CEP128: variants seen among roughly 807,000 people sequenced by gnomAD.
The protein encoded by CEP128 is centrosomal protein 128.
In CEP128, 132 loss-of-function variants were observed where a neutral mutation model predicts 156.7. The ratio of observed to expected loss-of-function variants is 0.84; its 90% CI spans 0.73 to 0.97. CEP128 has a LOEUF of 0.97. Ranked by LOEUF, CEP128 falls within the 50% of genes least tolerant of loss-of-function variation. The pLI, the probability that CEP128 is intolerant of heterozygous loss-of-function variation, is 0.00. For synonymous variants in CEP128, 469 were observed against 448.9 expected (o/e 1.04, Z -0.57); for missense variants, 1,252 against 1,281.9 (o/e 0.98, Z 0.36).
At chr14:80,619,845 C>T (rs189287925) in intron 19 of CEP128, among the ~76,000 whole-genome samples, 16 of 152,140 alleles carry the variant, frequency 1.1e-4, no homozygotes, top group Non-Finnish European at 5.9e-5. Flanking sequence ...AATGAGTAGG[C>T]CAGGTATGGT....
chr14:80,945,356 G>T (rs1372554721), upstream of CEP128, among the ~76,000 whole-genome samples: 1 of 152,134 alleles, frequency 6.6e-6, no homozygotes, highest in Non-Finnish European at 1.5e-5. Context: ...AACATGGGGG[G>T]TTAAGATTTC....
At chr14:80,931,817 G>T (rs1464257082) in intron 2 of CEP128, among the ~76,000 whole-genome samples, 1 of 152,214 alleles carries the variant, frequency 6.6e-6, no homozygotes, top group Non-Finnish European at 1.5e-5. Flanking sequence ...AATATTAGCA[G>T]AGATTTTGAA....
intron 19 of CEP128, among the ~76,000 whole-genome samples, chr14:80,648,691 C>T (rs1051312308): frequency 1.3e-5 from 2 of 152,058 alleles, no homozygotes; most frequent in African/African-American, 4.8e-5. Context: ...TAAAAGTTCA[C>T]CTGTTTATTC....
chr14:80,696,862 A>C (rs1289461658), intron 19 of CEP128, among the ~76,000 whole-genome samples: 1 of 152,216 alleles, frequency 6.6e-6, no homozygotes, highest in Non-Finnish European at 1.5e-5. Flanking sequence ...TATAAAATTC[A>C]CAGAGCGTCG....
intron 21 of CEP128, among the ~76,000 whole-genome samples, chr14:80,537,326 T>G (rs191328021): frequency 6.6e-6 from 1 of 152,304 alleles, no homozygotes; most frequent in East Asian, 1.9e-4. Flanking sequence ...AATGAGTGAT[T>G]TGGGTTTTCT....
At chr14:80,656,291 T>TTATATATATATATATATA (rs1159139132) in intron 19 of CEP128, among the ~76,000 whole-genome samples, 2 of 25,700 alleles carry the variant, frequency 7.8e-5, no homozygotes, top group Non-Finnish European at 1.3e-4. Context: ...ATATATATAT[T>TTATATATATATATATATA]TATATATATA....
chr14:80,535,059 G>C (rs1465923540), intron 21 of CEP128, among the ~76,000 whole-genome samples: 2 of 152,072 alleles, frequency 1.3e-5, no homozygotes, highest in African/African-American at 4.8e-5. Context: ...GGACTTCCAG[G>C]GACCTAGAAG....
chr14:80,488,540 T>A (rs1326433933), downstream of CEP128, among the ~76,000 whole-genome samples: 1 of 151,798 alleles, frequency 6.6e-6, no homozygotes, highest in Non-Finnish European at 1.5e-5. Context: ...TTGGTGGGAC[T>A]GTAAACTAGT....
At chr14:80,520,406 G>A (rs184477612) in intron 23 of CEP128, among the ~76,000 whole-genome samples, 36 of 146,840 alleles carry the variant, frequency 2.5e-4, no homozygotes, top group South Asian at 8.9e-4. Flanking sequence ...GTGACAGAGC[G>A]AGATTCCATC....
upstream of CEP128, among the ~76,000 whole-genome samples, chr14:80,946,657 T>G (rs377107571): frequency 1.8e-4 from 27 of 152,168 alleles, no homozygotes; most frequent in Middle Eastern, 3.4e-3. Context: ...AATGAATAAA[T>G]GTAGAGAAGG....
intron 8 of CEP128, among the ~76,000 whole-genome samples, chr14:80,866,916 T>G (rs1887792898): frequency 6.6e-6 from 1 of 152,224 alleles, no homozygotes; most frequent in Non-Finnish European, 1.5e-5. Flanking sequence ...AGCAGATGCC[T>G]GAAACCGAGG....
At chr14:80,618,756 A>G (rs1339854744) in intron 19 of CEP128, among the ~76,000 whole-genome samples, 1 of 152,216 alleles carries the variant, frequency 6.6e-6, no homozygotes, top group African/African-American at 2.4e-5. Context: ...CTCTAAAGCT[A>G]TAGTACCCAA....
intron 20 of CEP128, among the ~76,000 whole-genome samples, chr14:80,562,691 C>T (rs1890740727): frequency 7.5e-6 from 1 of 132,984 alleles, no homozygotes; most frequent in African/African-American, 2.8e-5. Context: ...GACAGGGTCT[C>T]CCTCTATCAT....
At chr14:80,839,915 C>T (rs1219309714) in intron 10 of CEP128, among the ~76,000 whole-genome samples, 3 of 152,142 alleles carry the variant, frequency 2.0e-5, no homozygotes, top group East Asian at 1.9e-4. Context: ...CAACCAAAGC[C>T]CATATTGATC....
intron 24 of CEP128, among the ~76,000 whole-genome samples, chr14:80,499,101 T>C (rs1351136603): frequency 1.3e-5 from 2 of 152,256 alleles, no homozygotes; most frequent in East Asian, 3.8e-4. Flanking sequence ...TTTCATAGAA[T>C]TAAATCCTTT....
At position 80,836,337 on chromosome 14, in the gene CEP128, C is replaced by T. The variant is rs772978343; in HGVS notation, c.925G>A (p.Val309Ile). 1 of 1,613,726 alleles carries T rather than the reference C, an allele frequency of 6.2e-7. No individual in the cohort carries two copies. Among genetic ancestry groups the T allele is most frequent in the Non-Finnish European group, 8.5e-7 (1 of 1,179,850 alleles). Residue 309 changes from valine (V) to isoleucine (I), a missense_variant and splice_region_variant, in exon 12 of 25, where the codon GTA becomes ATA. Coordinates refer to ENST00000555265, the MANE Select transcript of CEP128 (RefSeq NM_152446.5). ...GTAAGTTGTGTACGCAGTTCTTCTA[C>T]CTAACACATGGTCAAAAATCAAACA... ...EGSRETLLHQ[V>I]EELRTQLTKA...
intron 19 of CEP128, among the ~76,000 whole-genome samples, chr14:80,585,235 G>A (rs981801153): frequency 2.6e-5 from 4 of 152,194 alleles, no homozygotes; most frequent in Non-Finnish European, 4.4e-5. Flanking sequence ...CATTTCTCTG[G>A]AACACTTAGG....
chr14:80,596,491 G>T (rs966381049), intron 19 of CEP128, among the ~76,000 whole-genome samples: 2 of 151,934 alleles, frequency 1.3e-5, no homozygotes, highest in African/African-American at 4.8e-5. Context: ...CTCAAGGGAG[G>T]TTTAAAAATA....
downstream of CEP128, among the ~76,000 whole-genome samples, chr14:80,489,333 T>G (rs374525878): frequency 6.6e-5 from 10 of 150,378 alleles, no homozygotes; most frequent in African/African-American, 1.7e-4. Flanking sequence ...AAGACATTAT[T>G]GATAATTGCA....
Sources: gnomAD v4.1 joint callset for allele counts (sites outside exome capture counted in the v4.1 genomes callset) on GRCh38, gnomAD v4.1.1 for gene constraint, MANE v1.5 for transcripts, NCBI Gene and HGNC (gene_info 2026-07-23, HGNC 2026-07-21) for gene names.